Variants in SVIL observed in about 807,000 individuals in gnomAD.
The protein encoded by SVIL is archvillin.
SVIL carries 101 observed loss-of-function variants against 240.4 expected under a neutral mutation model. That is an observed-to-expected ratio of 0.42 (90% CI 0.36 to 0.50). The LOEUF (loss-of-function observed/expected upper bound fraction) is 0.50. Ranked by LOEUF, SVIL falls within the 20% of genes least tolerant of loss-of-function variation. The pLI, the probability that SVIL is intolerant of heterozygous loss-of-function variation, is 0.01. For synonymous variants in SVIL, 999 were observed against 1,100.0 expected, an observed-to-expected ratio of 0.91 and a Z score of 1.82; for missense variants, 2,512 against 2,818.7, an observed-to-expected ratio of 0.89 and a Z score of 2.46.
chr10:29,671,463 C>G (rs1304934195), intron 2 of SVIL, among the ~76,000 whole-genome samples: 1 of 152,220 alleles, frequency 6.6e-6, no homozygotes, highest in African/African-American at 2.4e-5. Context: ...TTACTCGAAT[C>G]TCTGAACTTA....
At chr10:29,459,746 C>G (rs1055488571) in intron 36 of SVIL, among the ~76,000 whole-genome samples, 3 of 152,144 alleles carry the variant, frequency 2.0e-5, no homozygotes, top group African/African-American at 7.2e-5. Context: ...GAATGCATGA[C>G]TAAGAGCTGT....
chr10:29,622,123 G>T (rs370013712), intron 1 of SVIL, among the ~76,000 whole-genome samples: 80 of 151,048 alleles, frequency 5.3e-4, no homozygotes, highest in African/African-American at 1.9e-3. Context: ...GGTGGCGGGC[G>T]CCTGTAGTCC....
At chr10:29,485,450 C>G (rs1473805125) in intron 26 of SVIL, among the ~76,000 whole-genome samples, 1 of 152,222 alleles carries the variant, frequency 6.6e-6, no homozygotes, top group Non-Finnish European at 1.5e-5. Context: ...TTGCTTAACT[C>G]TAAACTAGGC....
intron 1 of SVIL, among the ~76,000 whole-genome samples, chr10:29,588,887 C>A (rs915695600): frequency 1.3e-5 from 2 of 152,182 alleles, no homozygotes; most frequent in East Asian, 1.9e-4. Context: ...AGAATGTGAC[C>A]ACTTGCCTCA....
chr10:29,597,944 G>A (rs1336676210), intron 1 of SVIL, among the ~76,000 whole-genome samples: 1 of 152,048 alleles, frequency 6.6e-6, no homozygotes, highest in Admixed American at 6.6e-5. Flanking sequence ...ACCCAGCTTT[G>A]TGCCCTTATG....
chr10:29,496,471 C>G (rs1948452027), intron 18 of SVIL: 3 of 450,428 alleles, frequency 6.7e-6, no homozygotes, highest in Admixed American at 4.8e-5. Context: ...AGCTAATGAA[C>G]AGGACTGACT....
chr10:29,601,796 G>A (rs970572587), intron 1 of SVIL, among the ~76,000 whole-genome samples: 2 of 152,128 alleles, frequency 1.3e-5, no homozygotes, highest in South Asian at 2.1e-4. Context: ...AGTGCACTCC[G>A]CACCATGCAG....
intron 16 of SVIL, among the ~76,000 whole-genome samples, chr10:29,514,808 C>A (rs929790078): frequency 2.6e-5 from 4 of 152,184 alleles, no homozygotes; most frequent in African/African-American, 9.7e-5. Context: ...GGTCCTTCTT[C>A]CAAGCTTCCC....
At chr10:29,677,158 A>C (rs1960264045) in intron 2 of SVIL, among the ~76,000 whole-genome samples, 1 of 152,132 alleles carries the variant, frequency 6.6e-6, no homozygotes, top group Non-Finnish European at 1.5e-5. Flanking sequence ...CTATTCTATA[A>C]AATTCTCCCC....
intron 6 of SVIL, among the ~76,000 whole-genome samples, chr10:29,550,059 GAAAAAA>G (rs35956858): frequency 7.6e-6 from 1 of 131,520 alleles, no homozygotes; most frequent in Non-Finnish European, 1.6e-5. Flanking sequence ...AAAAGAAAAA[GAAAAAA>G]AAAAACATAA....
chr10:29,632,856 C>CACAA (rs762035530), intron 1 of SVIL, among the ~76,000 whole-genome samples: 1 of 152,164 alleles, frequency 6.6e-6, no homozygotes, highest in Admixed American at 6.5e-5. Flanking sequence ...CACACACACA[C>CACAA]ACACACAGAG....
chr10:29,650,561 T>C (rs1478621344), intron 3 of SVIL, among the ~76,000 whole-genome samples: 1 of 152,162 alleles, frequency 6.6e-6, no homozygotes, highest in African/African-American at 2.4e-5. Context: ...TGGTTGTATT[T>C]AATACAACCA....
chr10:29,516,516 C>T (rs1246513300), intron 16 of SVIL, among the ~76,000 whole-genome samples: 1 of 152,178 alleles, frequency 6.6e-6, no homozygotes, highest in African/African-American at 2.4e-5. Flanking sequence ...TCCGGCTCAC[C>T]GCAGACCACC....
intron 1 of SVIL, among the ~76,000 whole-genome samples, chr10:29,733,035 A>ATCACTACCAACCTTTCCC (rs1964708474): frequency 6.6e-6 from 1 of 152,172 alleles, no homozygotes; most frequent in African/African-American, 2.4e-5. Flanking sequence ...CAAGTTTTCC[A>ATCACTACCAACCTTTCCC]TCACTACCAA....
intron 1 of SVIL, among the ~76,000 whole-genome samples, chr10:29,588,652 A>T (rs1956265609): frequency 6.6e-6 from 1 of 152,228 alleles, no homozygotes; most frequent in South Asian, 2.1e-4. Context: ...GAACCTTGGG[A>T]ACCCCAAACT....
rs150237100 is a variant in SVIL at position 29,585,474 on chromosome 10, C to A, written c.-200-16162G>T. Among the ~76,000 whole-genome samples, 149 of 152,266 alleles carry A rather than the reference C, an allele frequency of 9.8e-4. 2 individuals are homozygous for A. In the East Asian group the frequency reaches 0.026, roughly 27 times the overall value. On this transcript the variant is annotated intron_variant, in intron 1 of 37. Coordinates refer to ENST00000355867, the MANE Select transcript of SVIL (RefSeq NM_021738.3). ...AACATGCTGGGATTATAGGCATGAGCCACCACGCCCGCCAAACTATTTTTT... is the reference window on the plus strand; with the variant it reads ...AACATGCTGGGATTATAGGCATGAGACACCACGCCCGCCAAACTATTTTTT...
intron 1 of SVIL, among the ~76,000 whole-genome samples, chr10:29,690,325 A>C (rs1309188692): frequency 6.6e-6 from 1 of 152,210 alleles, no homozygotes; most frequent in Non-Finnish European, 1.5e-5. Flanking sequence ...TTTTCATGAT[A>C]AAGTCCCAAA....
At chr10:29,478,178 G>C (rs185108186) in intron 29 of SVIL, among the ~76,000 whole-genome samples, 44 of 152,214 alleles carry the variant, frequency 2.9e-4, no homozygotes, top group African/African-American at 1.1e-3. Context: ...TATTATTATT[G>C]TCTTTGGCAA....
chr10:29,492,559 C>T (rs1303436542), intron 21 of SVIL, among the ~76,000 whole-genome samples: 1 of 152,124 alleles, frequency 6.6e-6, no homozygotes, highest in Non-Finnish European at 1.5e-5. Flanking sequence ...GCCAGTGAGC[C>T]GACAAAGCCC....
Sources: allele counts gnomAD v4.1 joint callset (sites outside exome capture counted in the v4.1 genomes callset), GRCh38; gene constraint gnomAD v4.1.1; transcripts MANE v1.5; gene names NCBI Gene and HGNC (gene_info 2026-07-23, HGNC 2026-07-21).